CDH13: variants seen among roughly 807,000 people sequenced by gnomAD.
The protein encoded by CDH13 is cadherin 13.
CDH13 carries 24 observed loss-of-function variants against 63.8 expected under a neutral mutation model. The observed-to-expected ratio is 0.38, with a 90% CI of 0.27 to 0.53. The LOEUF (loss-of-function observed/expected upper bound fraction) is 0.53, where lower values mean the gene tolerates loss of function less well. Among genes scored for constraint, CDH13 ranks in the 20% least tolerant of loss-of-function variants. The pLI is 0.85. For missense variants in CDH13, 1,049 were observed against 903.1 expected (o/e 1.16, Z -2.07); for synonymous variants, 503 against 355.3 (o/e 1.42, Z -4.67).
chr16:83,354,527 A>G (rs1366543396), intron 6 of CDH13, among the ~76,000 whole-genome samples: 2 of 152,212 alleles, frequency 1.3e-5, no homozygotes, highest in African/African-American at 4.8e-5. Context: ...ACAGAAATGG[A>G]TAAGCCAGAT....
intron 1 of CDH13, among the ~76,000 whole-genome samples, chr16:82,679,075 C>G (rs1328868423): frequency 2.0e-5 from 3 of 152,208 alleles, no homozygotes; most frequent in Non-Finnish European, 4.4e-5. Context: ...AAATGTCTGT[C>G]TCTAGGACAC....
intron 5 of CDH13, among the ~76,000 whole-genome samples, chr16:83,343,540 A>G (rs1295298668): frequency 6.6e-6 from 1 of 152,198 alleles, no homozygotes; most frequent in East Asian, 1.9e-4. Flanking sequence ...GAATTTTGCC[A>G]TGCTTTTGAA....
chr16:82,942,263 T>C (rs1019520), intron 2 of CDH13, among the ~76,000 whole-genome samples: 12,619 of 152,194 alleles, frequency 0.083, 1,659 homozygotes, highest in African/African-American at 0.28. Context: ...TGCCGCAAAA[T>C]GTATTGAGAA....
chr16:82,996,218 T>A (rs560336732), intron 2 of CDH13, among the ~76,000 whole-genome samples: 40 of 152,232 alleles, frequency 2.6e-4, no homozygotes, highest in African/African-American at 9.1e-4. Flanking sequence ...TCCTTTCCTG[T>A]TGTATATCGA....
intron 2 of CDH13, among the ~76,000 whole-genome samples, chr16:82,987,879 G>A (rs1041587746): frequency 1.6e-4 from 25 of 152,304 alleles, no homozygotes; most frequent in African/African-American, 5.8e-4. Context: ...TTGGGATTTG[G>A]AAAGGTAACC....
chr16:83,335,656 A>G (rs1037207700), intron 5 of CDH13, among the ~76,000 whole-genome samples: 1 of 152,176 alleles, frequency 6.6e-6, no homozygotes, highest in South Asian at 2.1e-4. Context: ...CCTTGTAGTT[A>G]AAGATTGACC....
At position 83,271,422 on chromosome 16, in the gene CDH13, T is replaced by TAAAAAAGAA. The variant is rs2088807123; in HGVS notation, c.636+53931_636+53932insGAAAAAAAA. Among the ~76,000 whole-genome samples the TAAAAAAGAA allele has an allele frequency of 1.2e-3, 30 of 26,032 alleles. 4 individuals carry two copies. Among genetic ancestry groups the TAAAAAAGAA allele is most frequent in the Non-Finnish European group, 2.0e-3 (28 of 14,146 alleles). 17.1% of individuals were successfully genotyped at this position (26,032 alleles called of 152,430 possible). ...CTACCGCACATTGAGGCAGAGTTCA[T>TAAAAAAGAA]AAAAAAAAAAAAAAAAAAAAAAAAA... On this transcript the variant is annotated intron_variant, in intron 5 of 13. Transcript: ENST00000567109.
chr16:82,749,780 G>A (rs950230462), intron 1 of CDH13, among the ~76,000 whole-genome samples: 2 of 151,868 alleles, frequency 1.3e-5, no homozygotes, highest in East Asian at 3.9e-4. Context: ...TTCCTCACTT[G>A]TTTCTTTGCC....
intron 6 of CDH13, among the ~76,000 whole-genome samples, chr16:83,367,006 G>A (rs1350631827): frequency 2.0e-5 from 3 of 151,986 alleles, no homozygotes; most frequent in Non-Finnish European, 4.4e-5. Flanking sequence ...CCCATTTAAA[G>A]TATATAATTC....
intron 4 of CDH13, among the ~76,000 whole-genome samples, chr16:83,132,671 A>G (rs566723530): frequency 1.3e-5 from 2 of 152,092 alleles, no homozygotes; most frequent in South Asian, 4.2e-4. Context: ...ATCTGGATCC[A>G]TCTGCCTCGG....
chr16:83,745,691 G>T (rs1336899245), intron 10 of CDH13, among the ~76,000 whole-genome samples: 1 of 152,110 alleles, frequency 6.6e-6, no homozygotes, highest in African/African-American at 2.4e-5. Context: ...GCCTCCCCCA[G>T]GTAACAATCC....
intron 4 of CDH13, among the ~76,000 whole-genome samples, chr16:83,139,470 C>T (rs1290950040): frequency 6.6e-6 from 1 of 152,184 alleles, no homozygotes; most frequent in African/African-American, 2.4e-5. Flanking sequence ...GTTGGCTATG[C>T]ATTAGTTTAC....
chr16:82,765,181 T>C (rs1159561253), intron 1 of CDH13, among the ~76,000 whole-genome samples: 1 of 152,178 alleles, frequency 6.6e-6, no homozygotes, highest in Non-Finnish European at 1.5e-5. Context: ...TATTGTTTAT[T>C]CTTTTACTTT....
chr16:83,165,973 G>C (rs1350846822), intron 4 of CDH13, among the ~76,000 whole-genome samples: 1 of 152,096 alleles, frequency 6.6e-6, no homozygotes, highest in Non-Finnish European at 1.5e-5. Flanking sequence ...AGGCAAAAGA[G>C]TAGTTAGCTC....
intron 7 of CDH13, among the ~76,000 whole-genome samples, chr16:83,539,992 G>A (rs2075269300): frequency 6.6e-6 from 1 of 151,884 alleles, no homozygotes; most frequent in Admixed American, 6.6e-5. Flanking sequence ...TCTTGCTTCT[G>A]AATCTCTGCT....
At chr16:83,198,375 A>C (rs2038935935) in intron 4 of CDH13, among the ~76,000 whole-genome samples, 1 of 152,008 alleles carries the variant, frequency 6.6e-6, no homozygotes, top group Non-Finnish European at 1.5e-5. Flanking sequence ...CTCAAGAATA[A>C]ATATGTGGGG....
At chr16:83,345,055 A>G (rs115687517) in intron 6 of CDH13, 49 bp downstream of exon 6, 9 of 1,590,870 alleles carry the variant, frequency 5.7e-6, no homozygotes, top group East Asian at 4.5e-5. Flanking sequence ...AAAGAGGCAC[A>G]CTTTGATCTT....
chr16:82,789,443 G>A (rs1199534466), intron 1 of CDH13, among the ~76,000 whole-genome samples: 12 of 152,146 alleles, frequency 7.9e-5, no homozygotes, highest in African/African-American at 1.2e-4. Flanking sequence ...ACATCAAGGC[G>A]ATGACAAGAA....
intron 2 of CDH13, among the ~76,000 whole-genome samples, chr16:82,862,844 C>T (rs2039995733): frequency 6.6e-6 from 1 of 152,188 alleles, no homozygotes; most frequent in Admixed American, 6.5e-5. Flanking sequence ...CCAGTGGTTG[C>T]CCTCCATGCA....
Sources: allele counts gnomAD v4.1 joint callset (sites outside exome capture counted in the v4.1 genomes callset), GRCh38; gene constraint gnomAD v4.1.1; transcripts MANE v1.5; gene names NCBI Gene and HGNC (gene_info 2026-07-23, HGNC 2026-07-21).